The following KCNQ1 variants were observed in gnomAD, a reference collection of about 807,000 sequenced individuals.
KCNQ1 encodes the protein potassium voltage-gated channel subfamily KQT member 1.
In KCNQ1, 49 loss-of-function variants were observed where a neutral mutation model predicts 72.4. The observed-to-expected ratio is 0.68, with a 90% confidence interval of 0.54 to 0.86. KCNQ1 has a LOEUF of 0.86. KCNQ1 is among the 40% of genes least tolerant of loss of function. KCNQ1 has a pLI of 0.00. For synonymous variants in KCNQ1, 450 were observed against 412.6 expected (o/e 1.09, Z -1.10); for missense variants, 790 against 945.1 (o/e 0.84, Z 2.15).
In KCNQ1 at chr11:2,543,924, C is replaced by T. The variant is rs1343239877; in HGVS notation, c.477+15906C>T. Among the ~76,000 whole-genome samples the T allele has an allele frequency of 6.6e-6, 1 of 152,160 alleles. No homozygotes were observed. Among genetic ancestry groups the T allele is most frequent in the African/African-American group, 2.4e-5 (1 of 41,436 alleles). ...CAGTTTATCATAAAATTGTCTCTTTCTGGACACTCTACTGTGATCCGTTGA... is the reference window on the plus strand; with the variant it reads ...CAGTTTATCATAAAATTGTCTCTTTTTGGACACTCTACTGTGATCCGTTGA... On this transcript the variant is annotated intron_variant, in intron 2 of 15. Coordinates refer to ENST00000155840, the MANE Select transcript of KCNQ1 (RefSeq NM_000218.3). This position sits in a 1 kb window ranked among gnomAD's most constrained non-coding sequence, Gnocchi z 5.6.
chr11:2,807,655 A>AG (rs980195164), intron 15 of KCNQ1, among the ~76,000 whole-genome samples: 2 of 151,974 alleles, frequency 1.3e-5, no homozygotes, highest in Non-Finnish European at 2.9e-5. Context: ...CAGGCGGGCG[A>AG]GGGGCACCCC....
intron 11 of KCNQ1, among the ~76,000 whole-genome samples, chr11:2,733,814 A>ACACACACACACACACACC: frequency 1.2e-5 from 1 of 86,614 alleles, no homozygotes; most frequent in Admixed American, 1.2e-4. Flanking sequence ...ACACACACAC[A>ACACACACACACACACACC]CTCTCTCACT....
intron 11 of KCNQ1, among the ~76,000 whole-genome samples, chr11:2,747,305 C>G (rs751922172): frequency 6.6e-6 from 1 of 152,230 alleles, no homozygotes; most frequent in Non-Finnish European, 1.5e-5. Flanking sequence ...TTTAATGGGA[C>G]TTATTTTGCT....
rs776170046 is a variant in KCNQ1, at chr11:2,664,048, C to G, written c.1514+1967C>G. The G allele has an allele frequency of 2.5e-6, 1 of 398,632 alleles. No homozygotes were observed. The highest frequency in any genetic ancestry group is 4.4e-6 in the Non-Finnish European group (1 of 226,140). The allele number at this position is 398,632 out of a possible 1,614,324, so 24.7% of individuals were successfully genotyped here. A position where few individuals can be genotyped will look rare whatever the true frequency, so the allele number is the denominator to read the frequency against. On this transcript the variant is annotated intron_variant, in intron 11 of 15. Coordinates refer to ENST00000155840, the MANE Select transcript of KCNQ1 (RefSeq NM_000218.3). The surrounding 1 kb of genome is among the most constrained non-coding windows in gnomAD (Gnocchi z 5.1). ...ATCCTGCAGCCTTTTCAGGTTGGCA[C>G]TCCCATGGCCTCCAGTGATAAGTGG...
In KCNQ1 at chr11:2,745,609, T is replaced by C. The variant is rs1234549319; in HGVS notation, c.1515-23235T>C. ...TTCCCCAGCCCCTAATGTTCTTGCC[T>C]CATGTCTTCAGGTGCGGGGCTGGCA... On this transcript the variant is annotated intron_variant, in intron 11 of 15. Coordinates refer to ENST00000155840, the MANE Select transcript of KCNQ1 (RefSeq NM_000218.3). This position sits in a 1 kb window ranked among gnomAD's most constrained non-coding sequence, Gnocchi z 6.2. 6.6e-6 allele frequency among the ~76,000 whole-genome samples: 1 copy of C among 152,222 alleles called. No homozygotes were observed. The highest frequency in any genetic ancestry group is 2.4e-5 in the African/African-American group (1 of 41,454).
At chr11:2,631,501 C>T (rs1030909159) in intron 10 of KCNQ1, 4 of 396,748 alleles carry the variant, frequency 1.0e-5, no homozygotes, top group African/African-American at 8.4e-5. Context: ...GGTTGTCTCT[C>T]TGTTCTCTGG....
chr11:2,829,551 A>G (rs1183781360), intron 15 of KCNQ1, among the ~76,000 whole-genome samples: 4 of 152,234 alleles, frequency 2.6e-5, no homozygotes, highest in East Asian at 3.8e-4. Flanking sequence ...TTTGTGTAAA[A>G]TGCAAACAGT....
chr11:2,817,700 C>T lies in KCNQ1; in HGVS notation c.1795-30067C>T, dbSNP rs938117432. Reference sequence around the variant, plus strand: ...GTTAGCACAGACCTGAGCCGAGGCCCCCTTCTCACAGGGGCCTACCCACTT... The same window carrying T: ...GTTAGCACAGACCTGAGCCGAGGCCTCCTTCTCACAGGGGCCTACCCACTT... On this transcript the variant is annotated intron_variant, in intron 15 of 15. Coordinates refer to ENST00000155840, the MANE Select transcript of KCNQ1 (RefSeq NM_000218.3). The surrounding 1 kb of genome is among the most constrained non-coding windows in gnomAD (Gnocchi z 6.1). Among the ~76,000 whole-genome samples the T allele has an allele frequency of 6.6e-6, 1 of 152,124 alleles. No individual in the cohort carries two copies.
At chr11:2,548,637 T>G (rs1188243149) in intron 2 of KCNQ1, among the ~76,000 whole-genome samples, 1 of 152,210 alleles carries the variant, frequency 6.6e-6, no homozygotes, top group East Asian at 1.9e-4. Flanking sequence ...TTAAGGCGGT[T>G]TCATAGGTGC....
At chr11:2,732,673 C>G (rs989251371) in intron 11 of KCNQ1, among the ~76,000 whole-genome samples, 2 of 152,230 alleles carry the variant, frequency 1.3e-5, no homozygotes, top group Non-Finnish European at 2.9e-5. Context: ...GGAACAATCG[C>G]CCCAGTGTGC....
rs574687806 is a variant in KCNQ1 at position 2,764,120 on chromosome 11, C to T, written c.1515-4724C>T. 6.6e-6 allele frequency among the ~76,000 whole-genome samples: 1 copy of T among 152,130 alleles called. No individual in the cohort carries two copies. Among genetic ancestry groups the T allele is most frequent in the Non-Finnish European group, 1.5e-5 (1 of 68,014 alleles). On this transcript the variant is annotated intron_variant, in intron 11 of 15. Transcript: ENST00000155840. The surrounding 1 kb of genome is among the most constrained non-coding windows in gnomAD (Gnocchi z 4.8). The stretch of plus-strand genomic sequence containing the variant: ...AACATCCTTGCCTTGCTTCCTGTCT[C>T]AGGAGGAAAGCGTATCACATTTCAC...
At chr11:2,474,638 A>G (rs568332883) in intron 1 of KCNQ1, among the ~76,000 whole-genome samples, 7 of 87,904 alleles carry the variant, frequency 8.0e-5, no homozygotes, top group Non-Finnish European at 1.8e-4. Context: ...GCCCAGACAA[A>G]AGGCCCTTGC....
chr11:2,576,534 C>T (rs1166471960), intron 6 of KCNQ1, among the ~76,000 whole-genome samples: 2 of 152,218 alleles, frequency 1.3e-5, no homozygotes, highest in Admixed American at 6.5e-5. Flanking sequence ...GTGTTTGCCC[C>T]TCTGCACCTA....
chr11:2,797,963 C>T (rs372212221), intron 15 of KCNQ1, among the ~76,000 whole-genome samples: 99 of 152,320 alleles, frequency 6.5e-4, no homozygotes, highest in African/African-American at 1.7e-3. Flanking sequence ...CCCAGGGCAC[C>T]GCGGTGGGCA....
rs1262784759 is a variant in KCNQ1, at chr11:2,784,290, G to T, written c.1794+6253G>T. On this transcript the variant is annotated intron_variant, in intron 15 of 15. Coordinates refer to ENST00000155840, the MANE Select transcript of KCNQ1 (RefSeq NM_000218.3). This position sits in a 1 kb window ranked among gnomAD's most constrained non-coding sequence, Gnocchi z 4.7. The stretch of plus-strand genomic sequence containing the variant: ...CCATTTCCTCCTTTGAATTATCATG[G>T]CTTCTTGGTCAAAAATCAATTGACC... 6.6e-6 allele frequency among the ~76,000 whole-genome samples: 1 copy of T among 151,742 alleles called. No homozygotes were observed. Among genetic ancestry groups the T allele is most frequent in the Non-Finnish European group, 1.5e-5 (1 of 67,774 alleles).
chr11:2,503,285 A>G (rs1444316329), intron 1 of KCNQ1, among the ~76,000 whole-genome samples: 2 of 152,256 alleles, frequency 1.3e-5, no homozygotes, highest in Non-Finnish European at 2.9e-5. Flanking sequence ...ACAAGGGACT[A>G]ATAACCAGAA....
At chr11:2,666,962 C>A (rs1172592398) in intron 11 of KCNQ1, 8 of 398,596 alleles carry the variant, frequency 2.0e-5, no homozygotes, top group Non-Finnish European at 2.2e-5. Context: ...CCAAGGAAGC[C>A]CTCTGGGGGC....
At chr11:2,660,652 A>G (rs910848561) in intron 10 of KCNQ1, 2 of 398,562 alleles carry the variant, frequency 5.0e-6, no homozygotes, top group African/African-American at 4.1e-5. Flanking sequence ...AATAACAGCA[A>G]TGCCTCAGTT....
Position 2,601,541 on chromosome 11 carries a change from C to G in KCNQ1, c.1393+12687C>G, listed in dbSNP as rs1430995102. Among the ~76,000 whole-genome samples, 1 of 152,148 alleles carries G rather than the reference C, an allele frequency of 6.6e-6. No homozygotes were observed. Among genetic ancestry groups the G allele is most frequent in the Non-Finnish European group, 1.5e-5 (1 of 68,032 alleles). On this transcript the variant is annotated intron_variant, in intron 10 of 15. Coordinates refer to ENST00000155840, the MANE Select transcript of KCNQ1 (RefSeq NM_000218.3). The surrounding 1 kb of genome is among the most constrained non-coding windows in gnomAD (Gnocchi z 5.2). ...AGAGTGCTCCCGTCGCCACGGGGTT[C>G]CCATTATTTGTCCTTTTACACGGAC... is the stretch of plus-strand genomic sequence containing the variant.
Sources: allele counts gnomAD v4.1 joint callset (sites outside exome capture counted in the v4.1 genomes callset), GRCh38; gene constraint gnomAD v4.1.1; non-coding constraint Gnocchi (gnomAD v3.1); transcripts MANE v1.5; gene names NCBI Gene and HGNC (gene_info 2026-07-23, HGNC 2026-07-21).